FRAS1: variants seen among roughly 807,000 people sequenced by gnomAD.
FRAS1 encodes Fraser extracellular matrix complex subunit 1.
In FRAS1, 290 loss-of-function variants were observed where a neutral mutation model predicts 435.2. The ratio of observed to expected loss-of-function variants is 0.67; its 90% CI spans 0.61 to 0.73. The LOEUF (loss-of-function observed/expected upper bound fraction) is 0.73, where lower values mean the gene tolerates loss of function less well. Among genes scored for constraint, FRAS1 ranks in the 30% least tolerant of loss-of-function variants. The pLI is 0.00. For synonymous variants in FRAS1, 1,800 were observed against 1,851.0 expected, an observed-to-expected ratio of 0.97 and a Z score of 0.71; for missense variants, 4,860 against 5,001.5, an observed-to-expected ratio of 0.97 and a Z score of 0.85.
intron 2 of FRAS1, among the ~76,000 whole-genome samples, chr4:78,148,434 T>G (rs1720505965): frequency 6.6e-6 from 1 of 152,222 alleles, no homozygotes; most frequent in East Asian, 1.9e-4. Flanking sequence ...CAGAATAGTT[T>G]AAACTCTTTC....
chr4:78,412,623 G>A (rs1733386218), intron 31 of FRAS1, among the ~76,000 whole-genome samples: 1 of 152,046 alleles, frequency 6.6e-6, no homozygotes, highest in Non-Finnish European at 1.5e-5. Context: ...AGTATTGTAA[G>A]TAAAAAATTA....
Position 78,364,055 on chromosome 4 carries a change from G to A in FRAS1, c.2722+1G>A, listed in dbSNP as rs794727365. 1.1e-5 allele frequency: 18 copies of A among 1,577,170 alleles called. No homozygotes were observed. Among genetic ancestry groups the A allele is most frequent in the South Asian group, 1.2e-5 (1 of 86,068 alleles). On this transcript the variant is annotated splice_donor_variant, in intron 22 of 73. Transcript: ENST00000512123. LOFTEE classifies it high-confidence loss of function. ...CTTGATGACAATCATGTTTGCCAGC[G>A]TAGGTTTTTCCAATGAACCTTCTCT...
At chr4:78,498,426 A>G (rs772914246) in intron 60 of FRAS1, among the ~76,000 whole-genome samples, 1 of 152,144 alleles carries the variant, frequency 6.6e-6, no homozygotes, top group Non-Finnish European at 1.5e-5. Flanking sequence ...GAATCGCTCA[A>G]ACCCAGGAGG....
At chr4:78,420,881 T>A (rs1432153478) in intron 33 of FRAS1, among the ~76,000 whole-genome samples, 1 of 24,884 alleles carries the variant, frequency 4.0e-5, no homozygotes, top group East Asian at 7.1e-4. Context: ...TAATAGGACA[T>A]ATATATATAT....
intron 72 of FRAS1, 55 bp from the exon 73 acceptor site, chr4:78,539,239 C>T: frequency 1.3e-6 from 2 of 1,567,528 alleles, no homozygotes. Flanking sequence ...TGCCACCTAC[C>T]AATATAGTGG....
At chr4:78,206,435 C>T (rs1723261194) in intron 2 of FRAS1, among the ~76,000 whole-genome samples, 1 of 152,158 alleles carries the variant, frequency 6.6e-6, no homozygotes, top group Non-Finnish European at 1.5e-5. Context: ...CAATTTCAAA[C>T]TTCTCACTTC....
chr4:78,434,924 TAGGAAC>T (rs1468283430), intron 38 of FRAS1, among the ~76,000 whole-genome samples: 6 of 152,292 alleles, frequency 3.9e-5, no homozygotes, highest in Non-Finnish European at 8.8e-5. Flanking sequence ...TATTCATGAG[TAGGAAC>T]ATTTAGTATT....
At chr4:78,236,612 C>T (rs1255077431) in intron 2 of FRAS1, among the ~76,000 whole-genome samples, 1 of 152,094 alleles carries the variant, frequency 6.6e-6, no homozygotes, top group Non-Finnish European at 1.5e-5. Flanking sequence ...AATCTGAAGT[C>T]ATGAGAGCAG....
chr4:78,068,746 T>C (rs1455340933), intron 2 of FRAS1: 2 of 352,822 alleles, frequency 5.7e-6, no homozygotes, highest in Admixed American at 7.6e-5. Flanking sequence ...CTGTACAAGA[T>C]TGAGAAAATA....
intron 2 of FRAS1, among the ~76,000 whole-genome samples, chr4:78,234,596 G>C (rs1315160474): frequency 2.0e-5 from 3 of 152,158 alleles, no homozygotes; most frequent in Non-Finnish European, 4.4e-5. Flanking sequence ...TGCCAATTTT[G>C]AGTAATGTGC....
chr4:78,271,567 T>A (rs572644571), intron 9 of FRAS1, among the ~76,000 whole-genome samples: 7 of 152,348 alleles, frequency 4.6e-5, no homozygotes, highest in Admixed American at 3.3e-4. Context: ...ATGCAGTGTT[T>A]ATTTTTTTGT....
At chr4:78,231,201 C>G (rs1377845988) in intron 2 of FRAS1, among the ~76,000 whole-genome samples, 1 of 152,008 alleles carries the variant, frequency 6.6e-6, no homozygotes, top group Non-Finnish European at 1.5e-5. Context: ...GTGATTCACC[C>G]TCCTTGGTCT....
At chr4:78,327,237 A>G (rs986742978) in intron 18 of FRAS1, among the ~76,000 whole-genome samples, 1 of 152,052 alleles carries the variant, frequency 6.6e-6, no homozygotes, top group Non-Finnish European at 1.5e-5. Context: ...AGAAAACAAA[A>G]AGTAACGAGA....
At chr4:78,178,967 C>T (rs1031265220) in intron 2 of FRAS1, among the ~76,000 whole-genome samples, 5 of 152,120 alleles carry the variant, frequency 3.3e-5, no homozygotes, top group African/African-American at 7.2e-5. Context: ...TCGAGGGGAG[C>T]GAAGGGCAGC....
chr4:78,271,374 T>C (rs1440441438), intron 9 of FRAS1, among the ~76,000 whole-genome samples: 1 of 152,184 alleles, frequency 6.6e-6, no homozygotes, highest in Non-Finnish European at 1.5e-5. Context: ...GCAGGTTTGT[T>C]ACATATGTAT....
chr4:78,264,764 T>G, intron 6 of FRAS1: 2 of 491,838 alleles, frequency 4.1e-6, no homozygotes, highest in African/African-American at 1.9e-5. Flanking sequence ...CCAAGAACCA[T>G]TATTATTGTT....
At chr4:78,174,471 T>A (rs1358073320) in intron 2 of FRAS1, among the ~76,000 whole-genome samples, 1 of 152,114 alleles carries the variant, frequency 6.6e-6, no homozygotes, top group Non-Finnish European at 1.5e-5. Flanking sequence ...CAAACTCCCA[T>A]CCCGCTCTAC....
At chr4:78,116,315 G>A (rs1051530598) in intron 2 of FRAS1, among the ~76,000 whole-genome samples, 10 of 152,318 alleles carry the variant, frequency 6.6e-5, no homozygotes, top group Non-Finnish European at 1.2e-4. Context: ...TGTTGATTTG[G>A]GGTGGAGAGT....
At chr4:78,513,619 C>G in intron 65 of FRAS1, 67 bp downstream of exon 65, 3 of 1,405,802 alleles carry the variant, frequency 2.1e-6, no homozygotes, top group Non-Finnish European at 3.0e-6. Flanking sequence ...TCAGGATATG[C>G]CAGAGTGAGA....
Sources: allele counts gnomAD v4.1 joint callset (sites outside exome capture counted in the v4.1 genomes callset), GRCh38; gene constraint gnomAD v4.1.1; transcripts MANE v1.5; gene names NCBI Gene and HGNC (gene_info 2026-07-23, HGNC 2026-07-21).